The following CNOT1 variants were observed in gnomAD, a reference collection of about 807,000 sequenced individuals.
The protein encoded by CNOT1 is CCR4-associated factor 1.
CNOT1 carries 15 observed loss-of-function variants against 273.8 expected under a neutral mutation model. The ratio of observed to expected loss-of-function variants is 0.05; its 90% CI spans 0.04 to 0.08. The LOEUF (loss-of-function observed/expected upper bound fraction) is 0.08. CNOT1 is among the 10% of genes least tolerant of loss of function. The pLI is 1.00. For synonymous variants in CNOT1, 1,022 were observed against 1,005.5 expected (o/e 1.02, Z -0.31); for missense variants, 1,644 against 2,912.2 (o/e 0.56, Z 10.02).
rs753774026 is a variant in CNOT1 at position 58,551,856 on chromosome 16, A to T, written c.2971-37T>A. The T allele has an allele frequency of 1.9e-6, 3 of 1,609,226 alleles. No homozygotes were observed. In the African/African-American group the frequency reaches 4.0e-5, roughly 22 times the overall value. ...GGGAGAGGAAAAAGAGTTAACCTTA[A>T]TTGCTAAGTCTGGATTATACGTCCC... On this transcript the variant is annotated intron_variant, in intron 22 of 48. Transcript: ENST00000317147.
chr16:58,561,750 T>C (rs546445235), intron 16 of CNOT1, among the ~76,000 whole-genome samples: 6 of 152,326 alleles, frequency 3.9e-5, no homozygotes, highest in Admixed American at 2.0e-4. Context: ...ATTAAGCAAG[T>C]AAGTATAATG....
chr16:58,553,646 G>C, intron 22 of CNOT1, 136 bp downstream of exon 22: 1 of 1,083,072 alleles, frequency 9.2e-7, no homozygotes, highest in African/African-American at 1.7e-5. Context: ...CTCAACAAAA[G>C]ATATGTGTAC....
chr16:58,598,291 G>A (rs776665736), intron 2 of CNOT1, among the ~76,000 whole-genome samples: 6 of 151,686 alleles, frequency 4.0e-5, no homozygotes, highest in African/African-American at 1.5e-4. Flanking sequence ...CCAGCTACTC[G>A]GAAGGTTAAG....
chr16:58,553,183 A>C (rs1225186067), intron 22 of CNOT1, among the ~76,000 whole-genome samples: 1 of 152,072 alleles, frequency 6.6e-6, no homozygotes, highest in African/African-American at 2.4e-5. Flanking sequence ...GAGGTGGGAG[A>C]ATCACTTGAA....
In CNOT1 at chr16:58,538,184, G is replaced by A; in HGVS notation, c.5218C>T (p.Gln1740Ter). 1 of 1,537,056 alleles carries A rather than the reference G, an allele frequency of 6.5e-7. No individual in the cohort carries two copies. The highest frequency in any genetic ancestry group is 9.0e-7 in the Non-Finnish European group (1 of 1,109,580). Residue 1740 changes from glutamine to a stop codon, truncating the protein, a stop_gained, in exon 37 of 49, where the codon CAG becomes TAG. Transcript: ENST00000317147. LOFTEE classifies it high-confidence loss of function. ...TGCGCTAGGTGAAGATCATACTGCT[G>A]CATATTAACCAAATGATTGCGAATT... ...LLIRNHLVNM[Q>*]QYDLHLAQSM...
At chr16:58,535,433 A>T in intron 39 of CNOT1, among the ~76,000 whole-genome samples, 1 of 152,230 alleles carries the variant, frequency 6.6e-6, no homozygotes, top group African/African-American at 2.4e-5. Context: ...AAAAGGATAC[A>T]AAACAGCACA....
chr16:58,565,552 A>G (rs955802720), intron 16 of CNOT1, among the ~76,000 whole-genome samples: 1 of 152,176 alleles, frequency 6.6e-6, no homozygotes, highest in Non-Finnish European at 1.5e-5. Context: ...CTTCAAAGCT[A>G]TTTTTCCCAT....
At chr16:58,560,415 G>A in intron 16 of CNOT1, 53 bp from the exon 17 acceptor site, 2 of 1,566,612 alleles carry the variant, frequency 1.3e-6, no homozygotes, top group East Asian at 2.3e-5. Flanking sequence ...TCTAGCACAT[G>A]TAAGTAAACC....
chr16:58,555,735 T>C (rs2040609257), intron 20 of CNOT1, 49 bp downstream of exon 20: 3 of 1,607,744 alleles, frequency 1.9e-6, no homozygotes, highest in Non-Finnish European at 2.5e-6. Flanking sequence ...AGGACATTTA[T>C]TTAAGACTGG....
At chr16:58,619,431 T>TC (rs1491283597) in intron 1 of CNOT1, among the ~76,000 whole-genome samples, 2 of 151,500 alleles carry the variant, frequency 1.3e-5, no homozygotes, top group Non-Finnish European at 2.9e-5. Flanking sequence ...GCATTTTCTT[T>TC]CTTTTTTTTT....
chr16:58,599,569 G>A, intron 1 of CNOT1, 58 bp from the exon 2 acceptor site: 2 of 540,250 alleles, frequency 3.7e-6, no homozygotes, highest in Admixed American at 3.2e-5. Context: ...GGAAAAAGGA[G>A]GCTGGTCCAG....
intron 3 of CNOT1, among the ~76,000 whole-genome samples, chr16:58,588,427 T>C (rs1270516669): frequency 1.3e-5 from 2 of 152,116 alleles, no homozygotes; most frequent in Non-Finnish European, 2.9e-5. Context: ...TAAGAGCTCA[T>C]TGACAAGATT....
At chr16:58,545,542 A>G (rs767868817) in intron 29 of CNOT1, 51 bp from the exon 30 acceptor site, 31 of 1,606,258 alleles carry the variant, frequency 1.9e-5, no homozygotes, top group Middle Eastern at 1.7e-4. Flanking sequence ...TGTTGACTTT[A>G]TTATAAAATT....
intron 1 of CNOT1, among the ~76,000 whole-genome samples, chr16:58,604,399 ATACGCGTTGTC>A (rs1254696271): frequency 2.6e-5 from 4 of 152,278 alleles, no homozygotes; most frequent in East Asian, 3.9e-4. Flanking sequence ...TTCTATTTGT[ATACGCGTTGTC>A]TACTATTGGC....
rs758424245 is a variant in CNOT1, at chr16:58,547,334, A to G, written c.3640-38T>C. ...AAATACTTTCAAAAGCGGGGAATAT[A>G]CCCCCCAAAATGGTATAACAAAACC... On this transcript the variant is annotated intron_variant, in intron 26 of 48. Coordinates refer to ENST00000317147, the MANE Select transcript of CNOT1 (RefSeq NM_016284.5). This position sits in a 1 kb window ranked among gnomAD's most constrained non-coding sequence, Gnocchi z 4.0. 2 of 1,608,506 alleles carry G rather than the reference A, an allele frequency of 1.2e-6. No individual in the cohort carries two copies. The highest frequency in any genetic ancestry group is 1.3e-5 in the African/African-American group (1 of 74,774).
At chr16:58,588,929 G>A in intron 2 of CNOT1, 23 bp from the exon 3 acceptor site, 1 of 1,573,770 alleles carries the variant, frequency 6.4e-7, no homozygotes, top group Non-Finnish European at 8.6e-7. Flanking sequence ...AAAATAACAT[G>A]TTTAATAAGG....
intron 2 of CNOT1, among the ~76,000 whole-genome samples, chr16:58,594,493 A>G (rs1404235026): frequency 1.3e-5 from 2 of 152,066 alleles, no homozygotes; most frequent in East Asian, 1.9e-4. Flanking sequence ...AAAAACTACC[A>G]AATTATATAT....
In CNOT1 at chr16:58,599,443, A is replaced by G. The variant is rs2042386926; in HGVS notation, c.-106T>C. On this transcript the variant is annotated 5_prime_UTR_variant, in exon 2 of 49. Coordinates refer to ENST00000317147, the MANE Select transcript of CNOT1 (RefSeq NM_016284.5). ...AATGCTTTCTTTGTAATTAGGCTATATCTGGTATCTGTATAATATCTTCAG... is the reference window on the plus strand; with the variant it reads ...AATGCTTTCTTTGTAATTAGGCTATGTCTGGTATCTGTATAATATCTTCAG... 1 of 1,345,202 alleles carries G rather than the reference A, an allele frequency of 7.4e-7. No individual in the cohort carries two copies. Among genetic ancestry groups the G allele is most frequent in the Admixed American group, 2.0e-5 (1 of 49,596 alleles). The allele number at this position is 1,345,202 out of a possible 1,614,324, so 83.3% of individuals were successfully genotyped here. A position where few individuals can be genotyped will look rare whatever the true frequency, so the allele number is the denominator to read the frequency against.
At chr16:58,580,530 G>C in intron 12 of CNOT1, 103 bp downstream of exon 12, 3 of 1,442,422 alleles carry the variant, frequency 2.1e-6, no homozygotes, top group African/African-American at 2.9e-5. Flanking sequence ...TAAAACTACT[G>C]CTTCATTTAA....
Sources: allele counts gnomAD v4.1 joint callset (sites outside exome capture counted in the v4.1 genomes callset), GRCh38; gene constraint gnomAD v4.1.1; non-coding constraint Gnocchi (gnomAD v3.1); transcripts MANE v1.5; gene names NCBI Gene and HGNC (gene_info 2026-07-23, HGNC 2026-07-21).